Variants in VPS39 observed in about 807,000 individuals in gnomAD.
VPS39 encodes the protein vam6/Vps39-like protein.
A neutral mutation model predicts 121.0 loss-of-function variants in VPS39; 70 were observed. The observed-to-expected ratio is 0.58, with a 90% confidence interval of 0.48 to 0.71. The LOEUF (loss-of-function observed/expected upper bound fraction) is 0.71, where lower values mean the gene tolerates loss of function less well. VPS39 is among the 30% of genes least tolerant of loss of function. The pLI is 0.00. For missense variants in VPS39, 818 were observed against 1,051.5 expected, an observed-to-expected ratio of 0.78 and a Z score of 3.07; for synonymous variants, 378 against 398.1, an observed-to-expected ratio of 0.95 and a Z score of 0.60.
rs1280607975 is a variant in VPS39 at position 42,158,890 on chromosome 15, C to T, written c.*1864G>A. 6.6e-6 allele frequency: 1 copy of T among 152,238 alleles called. No individual in the cohort carries two copies. The highest frequency in any genetic ancestry group is 1.9e-4 in the East Asian group (1 of 5,206). 9.4% of individuals were successfully genotyped at this position (152,238 alleles called of 1,614,324 possible). On this transcript the variant is annotated 3_prime_UTR_variant, in exon 25 of 25. Coordinates refer to ENST00000318006, the MANE Select transcript of VPS39 (RefSeq NM_015289.5). ...TATACCAGGAAAGAAAACACACATT[C>T]TTTATTCTATTGCTTCAAAGACAGT... is the stretch of plus-strand genomic sequence containing the variant.
At chr15:42,191,603 T>C in intron 2 of VPS39, 43 bp from the exon 3 acceptor site, 1 of 1,570,196 alleles carries the variant, frequency 6.4e-7, no homozygotes, top group South Asian at 1.1e-5. Context: ...AATACAGGGA[T>C]ACATAGAAAA....
chr15:42,192,424 C>A (rs1052367593), intron 2 of VPS39, among the ~76,000 whole-genome samples: 3 of 152,220 alleles, frequency 2.0e-5, no homozygotes, highest in Non-Finnish European at 4.4e-5. Flanking sequence ...CCCAGGCTGA[C>A]TCTAAAGCCT....
In VPS39 at chr15:42,178,211, G is replaced by C. The variant is rs2049496653; in HGVS notation, c.960+7C>G. 1.2e-6 allele frequency: 2 copies of C among 1,614,130 alleles called. No individual in the cohort carries two copies. The highest frequency in any genetic ancestry group is 1.7e-6 in the Non-Finnish European group (2 of 1,179,998). ...AGGAAGGAAGACTAGTCAGGAACAA[G>C]ACTTACTGCGAGCTGCAGAGCCAAT... On this transcript the variant is annotated splice_region_variant and intron_variant, in intron 10 of 24. Transcript: ENST00000318006.
In VPS39 at chr15:42,172,784, T is replaced by C. The variant is rs1327373956; in HGVS notation, c.1090+939A>G. Reference sequence around the variant, plus strand: ...CCAGCCTAATCTCCCATCAATTTTATGAATTCTTTCAACTGTCATTACCCT... The same window carrying C: ...CCAGCCTAATCTCCCATCAATTTTACGAATTCTTTCAACTGTCATTACCCT... On this transcript the variant is annotated intron_variant, in intron 11 of 24. Transcript: ENST00000318006. Among the ~76,000 whole-genome samples the C allele has an allele frequency of 2.0e-5, 3 of 152,224 alleles. No individual in the cohort carries two copies. The East Asian group carries it at 5.8e-4, about 29-fold the overall frequency.
At chr15:42,190,811 GT>G (rs1050949647) in intron 4 of VPS39, among the ~76,000 whole-genome samples, 6 of 152,170 alleles carry the variant, frequency 3.9e-5, no homozygotes, top group African/African-American at 1.2e-4. Flanking sequence ...TAATCAGAAT[GT>G]AAGTCTCAAA....
chr15:42,198,922 A>G (rs571540988), intron 2 of VPS39, among the ~76,000 whole-genome samples: 2 of 152,266 alleles, frequency 1.3e-5, no homozygotes, highest in East Asian at 3.9e-4. Flanking sequence ...TAAATTATCT[A>G]TTTTGTTCTC....
Position 42,159,493 on chromosome 15 carries a change from C to A in VPS39, c.*1261G>T, listed in dbSNP as rs184603331. 4.6e-5 allele frequency: 7 copies of A among 152,412 alleles called. No homozygotes were observed. Among genetic ancestry groups the A allele is most frequent in the Admixed American group, 3.9e-4 (6 of 15,306 alleles). 9.4% of individuals were successfully genotyped at this position (152,412 alleles called of 1,614,324 possible). On this transcript the variant is annotated 3_prime_UTR_variant, in exon 25 of 25. Transcript: ENST00000318006. ...AGTGCCTGAAACTCCAGCCTGTGCA[C>A]CTCTGGCAGGATGCCCCACACTGCT...
chr15:42,184,605 G>A lies in VPS39; in HGVS notation c.630C>T (p.Gly210=), dbSNP rs753063189. ...TGAGTACCACGGTGAGATCATCCTG[G>A]CCCACAGCCACTTTTCCATCTGCCA... ...APLADGKVAV[G]QDDLTVVLNE... Residue 210 remains glycine, a synonymous_variant, in exon 8 of 25, where the codon GGC becomes GGT. Transcript: ENST00000318006. The A allele has an allele frequency of 2.5e-6, 4 of 1,613,980 alleles. No individual in the cohort carries two copies. The highest frequency in any genetic ancestry group is 2.2e-5 in the East Asian group (1 of 44,890).
At chr15:42,160,944 C>CAAAGA in intron 24 of VPS39, 115 bp from the exon 25 acceptor site, 1 of 1,033,090 alleles carries the variant, frequency 9.7e-7, no homozygotes, top group Non-Finnish European at 1.5e-6. Context: ...AAAAGCAGCC[C>CAAAGA]ACCCAAACCT....
chr15:42,202,649 A>C (rs561686930), intron 1 of VPS39, among the ~76,000 whole-genome samples: 5 of 151,880 alleles, frequency 3.3e-5, no homozygotes, highest in African/African-American at 1.2e-4. Context: ...TTCTCTCTCC[A>C]CTCTGTCCCC....
rs758324340 is a variant in VPS39 at position 42,173,718 on chromosome 15, G to C, written c.1090+5C>G. On this transcript the variant is annotated splice_donor_5th_base_variant and intron_variant, in intron 11 of 24. Transcript: ENST00000318006. ...CCCTTATATAAAGGCCTCACCACTTGTTACCTGTGCCAAGTTTAGCAAAGA... is the reference window on the plus strand; with the variant it reads ...CCCTTATATAAAGGCCTCACCACTTCTTACCTGTGCCAAGTTTAGCAAAGA... 25 of 1,613,640 alleles carry C rather than the reference G, an allele frequency of 1.5e-5. No individual in the cohort carries two copies. The highest frequency in any genetic ancestry group is 1.6e-4 in the Middle Eastern group (1 of 6,080).
chr15:42,207,920 G>C (rs1452984407), intron 1 of VPS39, among the ~76,000 whole-genome samples, 161 bp downstream of exon 1: 2 of 152,226 alleles, frequency 1.3e-5, no homozygotes, highest in Non-Finnish European at 2.9e-5. Flanking sequence ...GATGTCTATA[G>C]CCGGTGGTCA....
chr15:42,186,615 A>G (rs1316205044), intron 7 of VPS39, among the ~76,000 whole-genome samples: 1 of 152,230 alleles, frequency 6.6e-6, no homozygotes, highest in African/African-American at 2.4e-5. Context: ...GAGAAAAACA[A>G]CGTCATGGAT....
chr15:42,194,917 T>G (rs1243565062), intron 2 of VPS39, among the ~76,000 whole-genome samples: 1 of 151,108 alleles, frequency 6.6e-6, no homozygotes, highest in Admixed American at 6.6e-5. Context: ...TGCACCATCA[T>G]TGTAAATGTC....
chr15:42,167,089 A>G (rs2049258600), intron 13 of VPS39, among the ~76,000 whole-genome samples, 176 bp from the exon 14 acceptor site: 1 of 152,216 alleles, frequency 6.6e-6, no homozygotes, highest in African/African-American at 2.4e-5. Context: ...CCTTCGCACA[A>G]TGTGTTTTAA....
chr15:42,164,704 T>C, intron 18 of VPS39: 1 of 1,431,398 alleles, frequency 7.0e-7, no homozygotes. Flanking sequence ...AGAAATACTC[T>C]GTGGGCAAAC....
intron 15 of VPS39, 76 bp downstream of exon 15, chr15:42,166,487 C>A: frequency 6.5e-7 from 1 of 1,538,566 alleles, no homozygotes; most frequent in Non-Finnish European, 9.0e-7. Context: ...GAGCAACCAA[C>A]CAGAAACAGA....
intron 18 of VPS39, 60 bp from the exon 19 acceptor site, chr15:42,164,546 C>T: frequency 6.3e-7 from 1 of 1,594,392 alleles, no homozygotes; most frequent in Non-Finnish European, 8.5e-7. Context: ...GTAGGGTCAT[C>T]AAGAAAAATG....
chr15:42,160,534 A>G lies in VPS39; in HGVS notation c.*220T>C, dbSNP rs908532606. 2.0e-5 allele frequency: 11 copies of G among 553,128 alleles called. No individual in the cohort carries two copies. The highest frequency in any genetic ancestry group is 4.8e-4 in the Middle Eastern group (1 of 2,072). 34.3% of individuals were successfully genotyped at this position (553,128 alleles called of 1,614,324 possible). A position where few individuals can be genotyped will look rare whatever the true frequency, so the allele number is the denominator to read the frequency against. On this transcript the variant is annotated 3_prime_UTR_variant, in exon 25 of 25. Coordinates refer to ENST00000318006, the MANE Select transcript of VPS39 (RefSeq NM_015289.5). The stretch of plus-strand genomic sequence containing the variant: ...AATTCTCTGGAATTGCCCACAACAT[A>G]ATGGTATAAGGTATAACTAATCTCT...
Sources: gnomAD v4.1 joint callset for allele counts (sites outside exome capture counted in the v4.1 genomes callset) on GRCh38, gnomAD v4.1.1 for gene constraint, MANE v1.5 for transcripts, NCBI Gene and HGNC (gene_info 2026-07-23, HGNC 2026-07-21) for gene names.